The following ZNF787 variants were observed in gnomAD, a reference collection of about 807,000 sequenced individuals.
The protein encoded by ZNF787 is zinc finger protein 787.
Under a neutral mutation model 16.9 loss-of-function variants are expected in ZNF787, and 7 were observed. That is an observed-to-expected ratio of 0.42 (90% CI 0.24 to 0.78). The LOEUF (loss-of-function observed/expected upper bound fraction) is 0.78. ZNF787 is among the 30% of genes least tolerant of loss of function. The probability of loss-of-function intolerance (pLI) is 0.30; values close to 1 mark genes in which losing one functional copy is unlikely to be tolerated. For synonymous variants in ZNF787, 345 were observed against 270.9 expected (o/e 1.27, Z -2.69); for missense variants, 551 against 589.3 (o/e 0.94, Z 0.67).
At chr19:56,110,361 C>CA (rs761035056) in intron 1 of ZNF787, among the ~76,000 whole-genome samples, 21,299 of 112,644 alleles carry the variant, frequency 0.19, 1,613 homozygotes, top group East Asian at 0.36. Flanking sequence ...GACTCCGTCT[C>CA]AAAAAAAAAA....
intron 1 of ZNF787, among the ~76,000 whole-genome samples, chr19:56,119,126 C>T (rs1171447678): frequency 6.6e-6 from 1 of 152,166 alleles, no homozygotes; most frequent in Non-Finnish European, 1.5e-5. Context: ...CAGCACGGAG[C>T]ACCACTCTAC....
At chr19:56,090,025 C>T (rs1599937575) in intron 2 of ZNF787, among the ~76,000 whole-genome samples, 1 of 152,160 alleles carries the variant, frequency 6.6e-6, no homozygotes, top group African/African-American at 2.4e-5. Context: ...CTCTGACCCC[C>T]GTGGACACCC....
intron 2 of ZNF787, among the ~76,000 whole-genome samples, chr19:56,098,676 C>T (rs112868821): frequency 0.38 from 2,664 of 7,060 alleles, 630 homozygotes; most frequent in Middle Eastern, 0.7. Flanking sequence ...ATATGGCCGC[C>T]GGGTGATGGA....
In ZNF787 at chr19:56,102,216, C is replaced by T. The variant is rs1038609363; in HGVS notation, c.79+923G>A. 13 of 152,418 alleles carry T rather than the reference C, an allele frequency of 8.5e-5. 1 individual carries two copies. Among genetic ancestry groups the T allele is most frequent in the African/African-American group, 2.6e-4 (11 of 41,596 alleles). The allele number at this position is 152,418 out of a possible 1,614,324, so 9.4% of individuals were successfully genotyped here. A position where few individuals can be genotyped will look rare whatever the true frequency, so the allele number is the denominator to read the frequency against. The stretch of plus-strand genomic sequence containing the variant: ...GGCCTTTCTGCATCAAGTGTGCCCA[C>T]GCATTTCCGTGTGGACTGTGGCTGC... On this transcript the variant is annotated intron_variant, in intron 2 of 2. Coordinates refer to ENST00000610935, the MANE Select transcript of ZNF787 (RefSeq NM_001002836.4).
intron 1 of ZNF787, among the ~76,000 whole-genome samples, chr19:56,107,680 GA>G (rs2029876098): frequency 6.6e-6 from 1 of 151,688 alleles, no homozygotes. Context: ...GCAGAAAAGG[GA>G]GGGGGGTCTA....
intron 1 of ZNF787, among the ~76,000 whole-genome samples, chr19:56,111,964 C>T (rs2029992651): frequency 1.3e-5 from 2 of 152,118 alleles, no homozygotes; most frequent in African/African-American, 2.4e-5. Context: ...AGGGTTAAGA[C>T]GGGTGTTCAT....
At chr19:56,107,157 T>C (rs955240670) in intron 1 of ZNF787, among the ~76,000 whole-genome samples, 3 of 152,142 alleles carry the variant, frequency 2.0e-5, no homozygotes, top group Admixed American at 6.5e-5. Context: ...GGGTCCATGA[T>C]AGCCCTCTGG....
intron 1 of ZNF787, among the ~76,000 whole-genome samples, chr19:56,116,786 C>T (rs2030150354): frequency 6.6e-6 from 1 of 152,080 alleles, no homozygotes; most frequent in South Asian, 2.1e-4. Context: ...TATACATCTG[C>T]TTAGCCCATC....
intron 2 of ZNF787, among the ~76,000 whole-genome samples, chr19:56,089,925 G>A (rs1985507041): frequency 6.6e-6 from 1 of 152,170 alleles, no homozygotes; most frequent in South Asian, 2.1e-4. Context: ...TCACTCCTGA[G>A]AAGGGTCCGT....
chr19:56,095,465 T>C (rs558977776), intron 2 of ZNF787, among the ~76,000 whole-genome samples: 1 of 152,320 alleles, frequency 6.6e-6, no homozygotes, highest in East Asian at 1.9e-4. Context: ...ATGTATAAGT[T>C]TCCTTGAATT....
chr19:56,111,760 A>C (rs1018601082), intron 1 of ZNF787, among the ~76,000 whole-genome samples: 6 of 152,104 alleles, frequency 3.9e-5, no homozygotes, highest in African/African-American at 1.2e-4. Context: ...GATGTGAAAC[A>C]ACCAGCCTGG....
rs576642352 is a variant in ZNF787, at chr19:56,100,152, C to T, written c.79+2987G>A. Among the ~76,000 whole-genome samples the T allele has an allele frequency of 4.4e-4, 67 of 152,304 alleles. 1 individual carries two copies. In the South Asian group the frequency reaches 0.013, roughly 29 times the overall value. ...TCCGGGGTGAGGGCCCGCTGGTCCA[C>T]GGCATCTACCCCAAGGCCTCTCTGT... On this transcript the variant is annotated intron_variant, in intron 2 of 2. Coordinates refer to ENST00000610935, the MANE Select transcript of ZNF787 (RefSeq NM_001002836.4).
At chr19:56,114,261 G>C (rs2030065419) in intron 1 of ZNF787, among the ~76,000 whole-genome samples, 2 of 152,140 alleles carry the variant, frequency 1.3e-5, no homozygotes, top group Admixed American at 1.3e-4. Flanking sequence ...GCCAGGCCCG[G>C]TCTTTCACCC....
In ZNF787 at chr19:56,114,546, C is replaced by T. The variant is rs1188779191; in HGVS notation, c.-11+6626G>A. ...GGCCTGGTCTCTCTCTCTGAGGGGC[C>T]GGGCTCAGTCCTCCACCTGCCTGGC... On this transcript the variant is annotated intron_variant, in intron 1 of 2. Transcript: ENST00000610935. Among the ~76,000 whole-genome samples the T allele has an allele frequency of 2.0e-5, 3 of 152,184 alleles. No homozygotes were observed. The East Asian group carries it at 5.8e-4, about 29-fold the overall frequency.
At chr19:56,102,896 A>G in intron 2 of ZNF787, 1 of 703,486 alleles carries the variant, frequency 1.4e-6, no homozygotes, top group Non-Finnish European at 2.6e-6. Context: ...TCAGGCAGAG[A>G]AGGTGGCCCC....
intron 1 of ZNF787, among the ~76,000 whole-genome samples, chr19:56,108,625 T>G (rs2029894053): frequency 6.6e-6 from 1 of 152,108 alleles, no homozygotes; most frequent in Non-Finnish European, 1.5e-5. Context: ...GACACCCATG[T>G]GGTCCCTAGC....
chr19:56,109,392 G>T, intron 1 of ZNF787, among the ~76,000 whole-genome samples: 1 of 152,186 alleles, frequency 6.6e-6, no homozygotes, highest in East Asian at 1.9e-4. Context: ...CGTGAAACAC[G>T]CCCTCCTCGT....
At chr19:56,105,038 G>T (rs513915) in intron 1 of ZNF787, among the ~76,000 whole-genome samples, 115,827 of 151,962 alleles carry the variant, frequency 0.76, 45,027 homozygotes, top group Middle Eastern at 0.86. Flanking sequence ...TAAGGCAGGA[G>T]AATTGCTGAA....
chr19:56,117,872 T>C (rs1355882153), intron 1 of ZNF787, among the ~76,000 whole-genome samples: 1 of 152,186 alleles, frequency 6.6e-6, no homozygotes, highest in African/African-American at 2.4e-5. Context: ...CCACTTCTGA[T>C]GCATCTCTGG....
Sources: gnomAD v4.1 joint callset for allele counts (sites outside exome capture counted in the v4.1 genomes callset) on GRCh38, gnomAD v4.1.1 for gene constraint, MANE v1.5 for transcripts, NCBI Gene and HGNC (gene_info 2026-07-23, HGNC 2026-07-21) for gene names.